The following HIPK2 variants were observed in gnomAD, a reference collection of about 807,000 sequenced individuals.
HIPK2 encodes homeodomain-interacting protein kinase 2.
HIPK2 carries 27 observed loss-of-function variants against 113.7 expected under a neutral mutation model. The ratio of observed to expected loss-of-function variants is 0.24; its 90% CI spans 0.17 to 0.33. The LOEUF (loss-of-function observed/expected upper bound fraction) is 0.33. Among genes scored for constraint, HIPK2 ranks in the 10% least tolerant of loss-of-function variants. The probability of loss-of-function intolerance (pLI) is 1.00; values close to 1 mark genes in which losing one functional copy is unlikely to be tolerated. For synonymous variants in HIPK2, 631 were observed against 642.2 expected, an observed-to-expected ratio of 0.98 and a Z score of 0.26; for missense variants, 1,257 against 1,588.0, an observed-to-expected ratio of 0.79 and a Z score of 3.54.
At chr7:139,708,777 G>A (rs935635767) in intron 2 of HIPK2, among the ~76,000 whole-genome samples, 1 of 152,200 alleles carries the variant, frequency 6.6e-6, no homozygotes, top group African/African-American at 2.4e-5. Flanking sequence ...TGGTGGGCGT[G>A]TGTGCATTAT....
At chr7:139,730,257 G>T (rs377027776) in intron 1 of HIPK2, among the ~76,000 whole-genome samples, 4 of 152,106 alleles carry the variant, frequency 2.6e-5, no homozygotes, top group African/African-American at 9.7e-5. Flanking sequence ...AGCTACCTCA[G>T]GTTCTACTTC....
chr7:139,576,941 G>GC (rs1399187256), intron 13 of HIPK2, among the ~76,000 whole-genome samples: 6 of 152,214 alleles, frequency 3.9e-5, no homozygotes, highest in Admixed American at 6.5e-5. Context: ...TGCTTTACTA[G>GC]CCCCCCATGT....
intron 2 of HIPK2, among the ~76,000 whole-genome samples, chr7:139,653,396 T>A (rs1349112016): frequency 6.6e-6 from 1 of 151,118 alleles, no homozygotes; most frequent in Non-Finnish European, 1.5e-5. Flanking sequence ...CTGAGGACTA[T>A]CAACTGTTAC....
At chr7:139,700,306 C>T (rs1794671998) in intron 2 of HIPK2, among the ~76,000 whole-genome samples, 1 of 152,132 alleles carries the variant, frequency 6.6e-6, no homozygotes, top group Non-Finnish European at 1.5e-5. Flanking sequence ...AGAGGCTGTA[C>T]CGTTGTAGTG....
At chr7:139,599,234 T>G (rs1799333024) in intron 11 of HIPK2, among the ~76,000 whole-genome samples, 1 of 152,136 alleles carries the variant, frequency 6.6e-6, no homozygotes, top group Non-Finnish European at 1.5e-5. Flanking sequence ...GGCTTGGAAA[T>G]CTCCATTTTT....
In HIPK2 at chr7:139,596,871, C is replaced by A; in HGVS notation, c.2563G>T (p.Val855Phe). 1.2e-6 allele frequency: 2 copies of A among 1,613,954 alleles called. No homozygotes were observed. Among genetic ancestry groups the A allele is most frequent in the Non-Finnish European group, 1.7e-6 (2 of 1,179,878 alleles). The change falls in exon 12 of 15, where the codon GTC (valine) becomes TTC (phenylalanine). Residue 855 changes from valine (V) to phenylalanine (F), a missense_variant. Val to Phe is a conservative substitution (Grantham distance 50). Around this residue, in one of 5 missense-constraint regions of HIPK2, gnomAD observed 862 missense variants for 1,004.3 expected, o/e 0.86. Transcript: ENST00000406875. ...VHSSPACSTS[V>F]TCGWGDVASS... ...GCCACGTCGCCCCACCCACAGGTGA[C>A]CGAGGTGCTGCAGGCCGGGCTACTG...
chr7:139,577,537 C>T (rs911267087), intron 13 of HIPK2, among the ~76,000 whole-genome samples: 1 of 152,160 alleles, frequency 6.6e-6, no homozygotes, highest in Non-Finnish European at 1.5e-5. Flanking sequence ...TCTCTAACTT[C>T]AATGACAACG....
chr7:139,597,094 A>G (rs1480731077), intron 11 of HIPK2, 96 bp from the exon 12 acceptor site: 1 of 1,353,034 alleles, frequency 7.4e-7, no homozygotes, highest in African/African-American at 1.5e-5. Flanking sequence ...GCTTTGCCAA[A>G]TCTCTGTAAA....
At chr7:139,583,694 CG>C in intron 13 of HIPK2, 122 bp downstream of exon 13, 5 of 1,395,868 alleles carry the variant, frequency 3.6e-6, no homozygotes, top group Non-Finnish European at 4.9e-6. Context: ...CGGTAAGGGT[CG>C]CCTGCAGTCA....
chr7:139,601,311 A>G (rs1361463993), intron 10 of HIPK2, among the ~76,000 whole-genome samples: 1 of 152,182 alleles, frequency 6.6e-6, no homozygotes, highest in Non-Finnish European at 1.5e-5. Flanking sequence ...AGCGGAATTT[A>G]CACAGTGTCT....
intron 1 of HIPK2, among the ~76,000 whole-genome samples, chr7:139,757,813 T>C (rs1416321068): frequency 6.6e-6 from 1 of 152,308 alleles, no homozygotes; most frequent in East Asian, 1.9e-4. Context: ...TAAAAACCAC[T>C]GAACTATACA....
chr7:139,640,817 T>C (rs1800985010), intron 2 of HIPK2, among the ~76,000 whole-genome samples: 2 of 152,196 alleles, frequency 1.3e-5, no homozygotes, highest in Non-Finnish European at 1.5e-5. Flanking sequence ...GGTTTCACCA[T>C]GTTGCCCAGG....
chr7:139,717,034 GA>G lies in HIPK2; in HGVS notation c.20-20del, dbSNP rs1795268394. 1 of 1,596,578 alleles carries G rather than the reference GA, an allele frequency of 6.3e-7. No homozygotes were observed. Among genetic ancestry groups the G allele is most frequent in the African/African-American group, 1.3e-5 (1 of 74,506 alleles). On this transcript the variant is annotated intron_variant, in intron 1 of 14. Transcript: ENST00000406875. ...GCCATACCTACAAGGAAAGGAAAAC[GA>G]AAAGTAAGTATCGGAGTCACCTTGG...
intron 11 of HIPK2, among the ~76,000 whole-genome samples, chr7:139,599,831 T>C (rs1799355808): frequency 2.0e-5 from 3 of 152,220 alleles, no homozygotes; most frequent in Admixed American, 1.3e-4. Flanking sequence ...CACCAAACTT[T>C]AGTCAGGCTT....
chr7:139,636,427 G>A lies in HIPK2; in HGVS notation c.1104-4702C>T, dbSNP rs185305073. Among the ~76,000 whole-genome samples, 11 of 152,226 alleles carry A rather than the reference G, an allele frequency of 7.2e-5. No homozygotes were observed. The East Asian group carries it at 2.1e-3, about 29-fold the overall frequency. On this transcript the variant is annotated intron_variant, in intron 2 of 14. Coordinates refer to ENST00000406875, the MANE Select transcript of HIPK2 (RefSeq NM_022740.5). ...CTCCTAATTCCTGGCACCTTGGCAT[G>A]TGACTTTATTTAGGAATGGAGTTGC... is the stretch of plus-strand genomic sequence containing the variant.
chr7:139,675,205 C>A (rs1290733392), intron 2 of HIPK2, among the ~76,000 whole-genome samples: 3 of 152,076 alleles, frequency 2.0e-5, no homozygotes, highest in African/African-American at 4.8e-5. Context: ...TACAGCACAT[C>A]CTGCTCAGTG....
intron 2 of HIPK2, among the ~76,000 whole-genome samples, chr7:139,654,333 G>A (rs192194623): frequency 1.3e-5 from 2 of 151,676 alleles, no homozygotes; most frequent in Non-Finnish European, 2.9e-5. Context: ...GCAACACAGC[G>A]AGACTTTGTC....
intron 1 of HIPK2, among the ~76,000 whole-genome samples, chr7:139,729,357 GA>G (rs1795695523): frequency 6.6e-6 from 1 of 150,596 alleles, no homozygotes; most frequent in African/African-American, 2.5e-5. Context: ...GAGAGAGAGA[GA>G]GAGAGAGAGA....
chr7:139,706,096 C>T (rs1048137062), intron 2 of HIPK2, among the ~76,000 whole-genome samples: 4 of 152,194 alleles, frequency 2.6e-5, no homozygotes, highest in Non-Finnish European at 5.9e-5. Context: ...GCATTTGGCC[C>T]CTTCTTTATG....
Sources: allele counts gnomAD v4.1 joint callset (sites outside exome capture counted in the v4.1 genomes callset), GRCh38; gene constraint gnomAD v4.1.1; regional missense constraint gnomAD v4.1.1; transcripts MANE v1.5; gene names NCBI Gene and HGNC (gene_info 2026-07-23, HGNC 2026-07-21).